The following DGKZ variants were observed in gnomAD, a reference collection of about 807,000 sequenced individuals.
The protein encoded by DGKZ is DAG kinase zeta.
In DGKZ, 45 loss-of-function variants were observed where a neutral mutation model predicts 142.5. The observed-to-expected ratio is 0.32, with a 90% CI of 0.25 to 0.40. The LOEUF (loss-of-function observed/expected upper bound fraction) is 0.40. DGKZ is among the 10% of genes least tolerant of loss of function. The probability of loss-of-function intolerance (pLI) is 1.00; values close to 1 mark genes in which losing one functional copy is unlikely to be tolerated. For synonymous variants in DGKZ, 442 were observed against 527.0 expected, an observed-to-expected ratio of 0.84 and a Z score of 2.21; for missense variants, 755 against 1,306.5, an observed-to-expected ratio of 0.58 and a Z score of 6.51.
At chr11:46,369,702 T>C (rs1254265138) in intron 5 of DGKZ, 152 bp downstream of exon 5, 1 of 1,071,406 alleles carries the variant, frequency 9.3e-7, no homozygotes, top group African/African-American at 1.6e-5. Flanking sequence ...GAGGCCTAAC[T>C]AGCGCTGCCT....
chr11:46,377,385 C>A, intron 25 of DGKZ, 173 bp downstream of exon 25: 1 of 1,251,272 alleles, frequency 8.0e-7, no homozygotes, highest in Non-Finnish European at 1.1e-6. Context: ...GGGGAAGCGG[C>A]CTCACGTCCA....
chr11:46,354,020 A>G lies in DGKZ; in HGVS notation c.161+6200A>G, dbSNP rs908853121. 5.9e-5 allele frequency among the ~76,000 whole-genome samples: 9 copies of G among 152,108 alleles called. 1 individual carries two copies. In the East Asian group the frequency reaches 1.4e-3, roughly 23 times the overall value. ...GGGGCAAGCTGGTTCTTGCTCCCCA[A>G]CCCACACGGACACCCCACTGACACA... is the stretch of plus-strand genomic sequence containing the variant. On this transcript the variant is annotated intron_variant, in intron 1 of 30. Coordinates refer to ENST00000527911, the Ensembl canonical transcript of DGKZ.
intron 6 of DGKZ, among the ~76,000 whole-genome samples, chr11:46,370,871 G>A (rs1434172529): frequency 6.6e-6 from 1 of 152,180 alleles, no homozygotes; most frequent in Non-Finnish European, 1.5e-5. Context: ...ATCACCTGAG[G>A]TCAGGAATTC....
Position 46,347,859 on chromosome 11 carries a change from G to A in DGKZ, c.161+39G>A. The stretch of plus-strand genomic sequence containing the variant: ...CGGCGGGGCAGGCACCGAGGCACCG[G>A]CAGGTTACCGCTCCCTCACCGGGGG... On this transcript the variant is annotated intron_variant, in intron 1 of 30. Transcript: ENST00000527911. This position sits in a 1 kb window ranked among gnomAD's most constrained non-coding sequence, Gnocchi z 6.4. The A allele has an allele frequency of 7.9e-7, 1 of 1,272,388 alleles. No individual in the cohort carries two copies. The highest frequency in any genetic ancestry group is 3.2e-5 in the East Asian group (1 of 31,684). The allele number at this position is 1,272,388 out of a possible 1,614,324, so 78.8% of individuals were successfully genotyped here.
Position 46,366,670 on chromosome 11 carries a change from C to G in DGKZ, c.162-621C>G, listed in dbSNP as rs2087360. The G allele has an allele frequency of 3.1e-6, 5 of 1,589,334 alleles. No homozygotes were observed. In the African/African-American group the frequency reaches 6.7e-5, roughly 21 times the overall value. Reference sequence around the variant, plus strand: ...CATCGAGCGCCATCCAGCCAGGCACCAAGACACCAGGGCCACCCCCACCTC... The same window carrying G: ...CATCGAGCGCCATCCAGCCAGGCACGAAGACACCAGGGCCACCCCCACCTC... On this transcript the variant is annotated intron_variant, in intron 1 of 30. Transcript: ENST00000527911.
At chr11:46,353,304 C>T (rs1166388343) in intron 1 of DGKZ, among the ~76,000 whole-genome samples, 1 of 152,094 alleles carries the variant, frequency 6.6e-6, no homozygotes, top group African/African-American at 2.4e-5. Context: ...TAGGAGTACT[C>T]TTTTCTTCTA....
intron 1 of DGKZ, among the ~76,000 whole-genome samples, chr11:46,355,696 T>C (rs1056203172): frequency 6.7e-6 from 1 of 148,484 alleles, no homozygotes; most frequent in Non-Finnish European, 1.5e-5. Context: ...TGGGGGCTGA[T>C]GGGGGAGGGA....
intron 1 of DGKZ, among the ~76,000 whole-genome samples, chr11:46,340,914 C>T (rs1389261703): frequency 1.3e-5 from 2 of 152,214 alleles, no homozygotes; most frequent in Non-Finnish European, 2.9e-5. Flanking sequence ...GTTGGAAGGC[C>T]AGGGCGGGCC....
At position 46,360,801 on chromosome 11, in the gene DGKZ, G is replaced by A. The variant is rs540177319; in HGVS notation, c.162-6490G>A. The stretch of plus-strand genomic sequence containing the variant: ...ACTCCATCTCAAAGAAAAAAAAAAA[G>A]AGTTTAAAGAGGTCTTGGGATCAGG... On this transcript the variant is annotated intron_variant, in intron 1 of 30. Transcript: ENST00000527911. 7.9e-5 allele frequency among the ~76,000 whole-genome samples: 12 copies of A among 151,942 alleles called. No individual in the cohort carries two copies. The South Asian group carries it at 2.1e-3, about 26-fold the overall frequency.
At chr11:46,369,299 C>A in intron 4 of DGKZ, 195 bp from the exon 5 acceptor site, 1 of 672,012 alleles carries the variant, frequency 1.5e-6, no homozygotes, top group South Asian at 1.7e-5. Context: ...AAAGATCCCT[C>A]TGGCTAGTGA....
chr11:46,376,279 C>G (rs774684652), intron 22 of DGKZ, 49 bp from the exon 23 acceptor site: 1 of 1,612,076 alleles, frequency 6.2e-7, no homozygotes, highest in East Asian at 2.2e-5. Flanking sequence ...GTTCCCTTCC[C>G]TCCCTGGCCC....
At position 46,347,943 on chromosome 11, in the gene DGKZ, G is replaced by T. The variant is rs887417482; in HGVS notation, c.161+123G>T. On this transcript the variant is annotated intron_variant, in intron 1 of 30. Coordinates refer to ENST00000527911, the Ensembl canonical transcript of DGKZ. This position sits in a 1 kb window ranked among gnomAD's most constrained non-coding sequence, Gnocchi z 6.4. Reference sequence around the variant, plus strand: ...CGGTACTGACACTGAGTCGGGGAGAGGCTGGCACCGGCGGCACGAGCCGTC... The same window carrying T: ...CGGTACTGACACTGAGTCGGGGAGATGCTGGCACCGGCGGCACGAGCCGTC... The T allele has an allele frequency of 2.5e-6, 3 of 1,220,354 alleles. No individual in the cohort carries two copies. Among genetic ancestry groups the T allele is most frequent in the Non-Finnish European group, 3.1e-6 (3 of 970,472 alleles). 75.6% of individuals were successfully genotyped at this position (1,220,354 alleles called of 1,614,324 possible).
At chr11:46,344,104 C>T (rs548576364), upstream of DGKZ, among the ~76,000 whole-genome samples, 40 of 152,104 alleles carry the variant, frequency 2.6e-4, no homozygotes, top group Non-Finnish European at 5.3e-4. Context: ...TGTCCACCAC[C>T]ACACCCAGCT....
At chr11:46,379,664 G>A in intron 30 of DGKZ, 96 bp downstream of exon 30, 3 of 1,339,568 alleles carry the variant, frequency 2.2e-6, no homozygotes, top group South Asian at 1.4e-5. Flanking sequence ...TCCCTGGGAA[G>A]ACACAGTCCA....
At chr11:46,335,555 G>T (rs1274935719) in intron 1 of DGKZ, among the ~76,000 whole-genome samples, 1 of 152,168 alleles carries the variant, frequency 6.6e-6, no homozygotes, top group Non-Finnish European at 1.5e-5. Flanking sequence ...AGGATGCCAG[G>T]TAATCCCACT....
At chr11:46,353,533 A>G (rs538834977) in intron 1 of DGKZ, among the ~76,000 whole-genome samples, 1 of 152,330 alleles carries the variant, frequency 6.6e-6, no homozygotes, top group Non-Finnish European at 1.5e-5. Context: ...TGAGCCCGTC[A>G]TCATGTGGCG....
chr11:46,378,651 C>T (rs1020879122), intron 27 of DGKZ, 151 bp downstream of exon 27: 5 of 1,082,774 alleles, frequency 4.6e-6, no homozygotes, highest in Admixed American at 3.9e-5. Context: ...TCGTCCCATT[C>T]CACTTCACTG....
chr11:46,349,242 TC>T (rs1192091343), intron 1 of DGKZ, among the ~76,000 whole-genome samples: 3 of 152,334 alleles, frequency 2.0e-5, no homozygotes, highest in Non-Finnish European at 2.9e-5. Context: ...GAGTGAAACT[TC>T]CAGTAGCTCT....
chr11:46,350,198 T>G (rs556000731), intron 1 of DGKZ, among the ~76,000 whole-genome samples: 68 of 152,264 alleles, frequency 4.5e-4, no homozygotes, highest in African/African-American at 1.6e-3. Flanking sequence ...GGAAAGCACT[T>G]TCTCCTGGCA....
Sources: gnomAD v4.1 joint callset for allele counts (sites outside exome capture counted in the v4.1 genomes callset) on GRCh38, gnomAD v4.1.1 for gene constraint, Gnocchi (gnomAD v3.1) non-coding constraint, MANE v1.5 for transcripts, NCBI Gene and HGNC (gene_info 2026-07-23, HGNC 2026-07-21) for gene names.